The following HSPA4L variants were observed in gnomAD, a reference collection of about 807,000 sequenced individuals.
HSPA4L encodes the protein heat shock 70 kDa protein 4L.
A neutral mutation model predicts 100.3 loss-of-function variants in HSPA4L; 48 were observed. That is an observed-to-expected ratio of 0.48 (90% CI 0.38 to 0.61). HSPA4L has a LOEUF of 0.61. Ranked by LOEUF, HSPA4L falls within the 20% of genes least tolerant of loss-of-function variation. The probability of loss-of-function intolerance (pLI) is 0.00; values close to 1 mark genes in which losing one functional copy is unlikely to be tolerated. For synonymous variants in HSPA4L, 319 were observed against 328.2 expected (o/e 0.97, Z 0.30); for missense variants, 886 against 988.6 (o/e 0.90, Z 1.39).
chr4:127,803,191 C>T (rs377720686), intron 6 of HSPA4L, among the ~76,000 whole-genome samples: 38 of 151,944 alleles, frequency 2.5e-4, no homozygotes, highest in Middle Eastern at 3.4e-3. Flanking sequence ...ATTTCTGATC[C>T]GTAAATTGAC....
Position 127,801,856 on chromosome 4 carries a change from A to G in HSPA4L, c.601A>G (p.Ile201Val). The change falls in exon 6 of 19, where the codon ATT (isoleucine) becomes GTT (valine). Residue 201 changes from isoleucine to valine, a missense_variant. By Grantham distance (29) the Ile-to-Val change is conservative. Transcript: ENST00000296464. ...TGAGAAACCAAGAAATGTAGTATTT[A>G]TTGATATGGGACATTCTGCCTATCA... Reference protein sequence around the residue: ...LDEKPRNVVFIDMGHSAYQVL... With the variant: ...LDEKPRNVVFVDMGHSAYQVL... 6.2e-7 allele frequency: 1 copy of G among 1,609,658 alleles called. No individual in the cohort carries two copies. Among genetic ancestry groups the G allele is most frequent in the South Asian group, 1.1e-5 (1 of 90,540 alleles).
At chr4:127,832,098 T>C (rs1179456916) in intron 18 of HSPA4L, among the ~76,000 whole-genome samples, 2 of 152,122 alleles carry the variant, frequency 1.3e-5, no homozygotes, top group Non-Finnish European at 1.5e-5. Context: ...TAAATTTGAG[T>C]AGTGTTTGTA....
chr4:127,830,285 C>A (rs1430164198), intron 17 of HSPA4L, among the ~76,000 whole-genome samples: 12 of 152,088 alleles, frequency 7.9e-5, no homozygotes, highest in Admixed American at 7.9e-4. Context: ...GTTATATATT[C>A]ATAATTTTGT....
Position 127,795,647 on chromosome 4 carries a change from A to G in HSPA4L, c.166-121A>G, listed in dbSNP as rs911474323. ...TGGAAACCAGAAAAAATGAATGATT[A>G]TTTGTAATCCTAAACTTGGATGTGT... On this transcript the variant is annotated intron_variant, in intron 2 of 18. Coordinates refer to ENST00000296464, the MANE Select transcript of HSPA4L (RefSeq NM_014278.4). 2.2e-5 allele frequency: 20 copies of G among 905,402 alleles called. No homozygotes were observed. The African/African-American group carries it at 2.5e-4, about 11-fold the overall frequency. The allele number at this position is 905,402 out of a possible 1,614,324, so 56.1% of individuals were successfully genotyped here.
intron 17 of HSPA4L, among the ~76,000 whole-genome samples, chr4:127,827,757 T>C (rs1733983221): frequency 6.6e-6 from 1 of 152,114 alleles, no homozygotes; most frequent in Admixed American, 6.5e-5. Flanking sequence ...CTCTTTGACT[T>C]TTTTTAAATT....
At position 127,836,824 on chromosome 4, in the gene HSPA4L, T is replaced by C. The variant is rs1281400949; in HGVS notation, c.*3950T>C. 6.6e-6 allele frequency: 1 copy of C among 152,200 alleles called. No individual in the cohort carries two copies. Among genetic ancestry groups the C allele is most frequent in the Non-Finnish European group, 1.5e-5 (1 of 68,028 alleles). The allele number at this position is 152,200 out of a possible 1,614,324, so 9.4% of individuals were successfully genotyped here. A position where few individuals can be genotyped will look rare whatever the true frequency, so the allele number is the denominator to read the frequency against. On this transcript the variant is annotated 3_prime_UTR_variant, in exon 19 of 19. Transcript: ENST00000296464. ...GGATTTTCTGTTTTATAGTAAATAG[T>C]TGGTATTTGGTAGTCCACAATTAAA... is the stretch of plus-strand genomic sequence containing the variant.
At position 127,838,193 on chromosome 4, in the gene HSPA4L, A is replaced by C. The variant is rs967501062; in HGVS notation, c.*5319A>C. 6.6e-6 allele frequency: 1 copy of C among 152,200 alleles called. No homozygotes were observed. The highest frequency in any genetic ancestry group is 2.4e-5 in the African/African-American group (1 of 41,456). 9.4% of individuals were successfully genotyped at this position (152,200 alleles called of 1,614,324 possible). A position where few individuals can be genotyped will look rare whatever the true frequency, so the allele number is the denominator to read the frequency against. ...CATTACAATTTTTTTTCTAAATTCA[A>C]AGGTAATTATTCTAAACAATAAAAG... On this transcript the variant is annotated 3_prime_UTR_variant, in exon 19 of 19. Coordinates refer to ENST00000296464, the MANE Select transcript of HSPA4L (RefSeq NM_014278.4).
chr4:127,785,585 C>T (rs985298717), intron 1 of HSPA4L, among the ~76,000 whole-genome samples: 11 of 151,964 alleles, frequency 7.2e-5, no homozygotes, highest in African/African-American at 2.4e-4. Flanking sequence ...TTACAGGCAA[C>T]GACCACCACG....
chr4:127,791,665 CT>C (rs963187437), intron 1 of HSPA4L, among the ~76,000 whole-genome samples: 1 of 152,152 alleles, frequency 6.6e-6, no homozygotes, highest in African/African-American at 2.4e-5. Flanking sequence ...CTACTGGTAA[CT>C]TTTTGCTCTC....
chr4:127,807,458 C>T (rs1433321055), intron 10 of HSPA4L, among the ~76,000 whole-genome samples: 2 of 152,002 alleles, frequency 1.3e-5, no homozygotes, highest in Non-Finnish European at 2.9e-5. Flanking sequence ...GTATGTATAA[C>T]CCTCGGTTGG....
At chr4:127,786,226 A>G (rs1438105768) in intron 1 of HSPA4L, among the ~76,000 whole-genome samples, 1 of 152,186 alleles carries the variant, frequency 6.6e-6, no homozygotes, top group African/African-American at 2.4e-5. Context: ...TTGGCCAAAA[A>G]TTAGTAAAAC....
Position 127,827,417 on chromosome 4 carries a change from G to C in HSPA4L, c.2159G>C (p.Arg720Thr). 1 of 1,613,630 alleles carries C rather than the reference G, an allele frequency of 6.2e-7. No individual in the cohort carries two copies. Among genetic ancestry groups the C allele is most frequent in the Non-Finnish European group, 8.5e-7 (1 of 1,179,682 alleles). The part of the protein sequence containing the change: ...QLVMKVIEAY[R>T]NKDERYDHLD... ...GTCATGAAAGTGATAGAAGCTTATA[G>C]AAACAAGGTATTGAATTCATAAAGC... is the stretch of plus-strand genomic sequence containing the variant. The change falls in exon 17 of 19, where the codon AGA becomes ACA. Residue 720 changes from arginine to threonine, a missense_variant. Physicochemically the swap from Arg to Thr is moderately conservative, Grantham distance 71. Coordinates refer to ENST00000296464, the MANE Select transcript of HSPA4L (RefSeq NM_014278.4).
intron 1 of HSPA4L, among the ~76,000 whole-genome samples, chr4:127,784,051 G>A (rs1266425881): frequency 6.6e-6 from 1 of 152,154 alleles, no homozygotes; most frequent in East Asian, 1.9e-4. Context: ...GTGAGAGGCC[G>A]AAACAGTAAC....
In HSPA4L at chr4:127,795,824, A is replaced by G. The variant is rs1303172653; in HGVS notation, c.222A>G (p.Ser74=). 1.2e-6 allele frequency: 2 copies of G among 1,613,660 alleles called. No individual in the cohort carries two copies. Among genetic ancestry groups the G allele is most frequent in the Non-Finnish European group, 1.7e-6 (2 of 1,179,730 alleles). The change falls in exon 3 of 19, where the codon TCA becomes TCG. Residue 74 remains serine (S), a synonymous_variant. Transcript: ENST00000296464. ...IHGFKKLHGR[S]FDDPIVQTER... is the part of the protein sequence containing the mutation. ...GCTTCAAAAAGCTTCATGGGCGATCATTTGATGATCCCATTGTGCAAACTG... is the reference window on the plus strand; with the variant it reads ...GCTTCAAAAAGCTTCATGGGCGATCGTTTGATGATCCCATTGTGCAAACTG...
At chr4:127,810,577 G>T (rs926616674) in intron 11 of HSPA4L, among the ~76,000 whole-genome samples, 1 of 152,076 alleles carries the variant, frequency 6.6e-6, no homozygotes, top group African/African-American at 2.4e-5. Flanking sequence ...GGGCAACATA[G>T]TGAGACCTAA....
At position 127,823,507 on chromosome 4, in the gene HSPA4L, A is replaced by G. The variant is rs766268673; in HGVS notation, c.1939-10A>G. ...TATTTTTAATTAGTGTCTCTCAAAT[A>G]TATTACTAGGACTTGAGTAAACTGT... On this transcript the variant is annotated splice_polypyrimidine_tract_variant and intron_variant, in intron 15 of 18. Transcript: ENST00000296464. The G allele has an allele frequency of 8.3e-6, 13 of 1,573,464 alleles. No individual in the cohort carries two copies. The highest frequency in any genetic ancestry group is 6.7e-5 in the African/African-American group (5 of 74,150).
chr4:127,786,458 T>C (rs1236631813), intron 1 of HSPA4L, among the ~76,000 whole-genome samples: 1 of 152,222 alleles, frequency 6.6e-6, no homozygotes. Context: ...AAAAACATTA[T>C]TTTAATAATT....
At chr4:127,821,155 T>G (rs1406934894) in intron 14 of HSPA4L, among the ~76,000 whole-genome samples, 5 of 152,144 alleles carry the variant, frequency 3.3e-5, no homozygotes, top group Non-Finnish European at 5.9e-5. Flanking sequence ...GTCAGTCTTC[T>G]GACTTTACAA....
chr4:127,830,994 G>A (rs1259885689), intron 18 of HSPA4L, among the ~76,000 whole-genome samples, 195 bp downstream of exon 18: 2 of 152,134 alleles, frequency 1.3e-5, no homozygotes, highest in East Asian at 1.9e-4. Flanking sequence ...TACCAGGCTG[G>A]TTTTTAAACT....
Sources: gnomAD v4.1 joint callset for allele counts (sites outside exome capture counted in the v4.1 genomes callset) on GRCh38, gnomAD v4.1.1 for gene constraint, MANE v1.5 for transcripts, NCBI Gene and HGNC (gene_info 2026-07-23, HGNC 2026-07-21) for gene names.